Variants in GPN2 observed in about 807,000 individuals in gnomAD.
GPN2 encodes ATP-binding domain 1 family member B.
A neutral mutation model predicts 30.1 loss-of-function variants in GPN2; 27 were observed. The ratio of observed to expected loss-of-function variants is 0.90; its 90% CI spans 0.66 to 1.24. The LOEUF (loss-of-function observed/expected upper bound fraction) is 1.24. Ranked by LOEUF, GPN2 falls within the 50% of genes most tolerant of loss-of-function variation. GPN2 has a pLI of 0.00. For synonymous variants in GPN2, 212 were observed against 174.4 expected, an observed-to-expected ratio of 1.22 and a Z score of -1.70; for missense variants, 406 against 405.4, an observed-to-expected ratio of 1.00 and a Z score of -0.01.
intron 2 of GPN2, 65 bp from the exon 3 acceptor site, chr1:26,886,198 C>G: frequency 1.7e-6 from 2 of 1,163,654 alleles, no homozygotes; most frequent in Non-Finnish European, 2.5e-6. Flanking sequence ...GACGAGGTTC[C>G]TTTTTCCTTT....
chr1:26,890,102 GC>G lies in GPN2; in HGVS notation c.-7del. Reference sequence around the variant, plus strand: ...GTCGGAGCGGCCCCTGCCATTGGCGGCCCGCGGCCCGGAGCAGGTCAACTCA... The same window carrying G: ...GTCGGAGCGGCCCCTGCCATTGGCGGCCGCGGCCCGGAGCAGGTCAACTCA... On this transcript the variant is annotated 5_prime_UTR_variant, in exon 1 of 5. Transcript: ENST00000374135. 6.6e-7 allele frequency: 1 copy of G among 1,514,304 alleles called. No homozygotes were observed. The highest frequency in any genetic ancestry group is 8.8e-7 in the Non-Finnish European group (1 of 1,138,498). 93.8% of individuals were successfully genotyped at this position (1,514,304 alleles called of 1,614,324 possible). A position where few individuals can be genotyped will look rare whatever the true frequency, so the allele number is the denominator to read the frequency against.
rs1208996661 is a variant in GPN2 at position 26,886,062 on chromosome 1, A to T, written c.640T>A (p.Phe214Ile). 1.2e-6 allele frequency: 2 copies of T among 1,613,404 alleles called. No individual in the cohort carries two copies. The highest frequency in any genetic ancestry group is 4.5e-5 in the East Asian group (2 of 44,868). The change falls in exon 3 of 5, where the codon TTC becomes ATC. Residue 214 changes from phenylalanine (F) to isoleucine (I), a missense_variant. Transcript: ENST00000374135. The part of the protein sequence containing the change: ...YLLDHLASDP[F>I]FRHYRQLNEK... ...TTGAGCTGGCGGTAGTGGCGGAAGAAAGGGTCAGAAGCCAGGTGGTCAAGC... is the reference window on the plus strand; with the variant it reads ...TTGAGCTGGCGGTAGTGGCGGAAGATAGGGTCAGAAGCCAGGTGGTCAAGC...
intron 3 of GPN2, among the ~76,000 whole-genome samples, chr1:26,885,037 A>G (rs1557655965): frequency 6.6e-6 from 1 of 152,364 alleles, no homozygotes. Context: ...ACATACAGTG[A>G]TAAGAACAGT....
chr1:26,884,015 G>A, intron 4 of GPN2, 145 bp downstream of exon 4: 1 of 615,056 alleles, frequency 1.6e-6, no homozygotes, highest in Non-Finnish European at 2.7e-6. Context: ...ACTCCAGCCT[G>A]GGCGACAGAG....
intron 3 of GPN2, 83 bp downstream of exon 3, chr1:26,885,890 T>C: frequency 8.8e-7 from 1 of 1,138,056 alleles, no homozygotes; most frequent in South Asian, 1.4e-5. Context: ...GCAAAGACCA[T>C]TCTTTAAGCC....
chr1:26,885,707 G>A (rs1269821610), intron 3 of GPN2, among the ~76,000 whole-genome samples: 1 of 151,746 alleles, frequency 6.6e-6, no homozygotes, highest in Non-Finnish European at 1.5e-5. Context: ...AGCCTCCTGA[G>A]TAGCTGGGAC....
At chr1:26,883,889 A>C (rs1188640746) in intron 4 of GPN2, among the ~76,000 whole-genome samples, 1 of 151,856 alleles carries the variant, frequency 6.6e-6, no homozygotes, top group Non-Finnish European at 1.5e-5. Flanking sequence ...AAATACAAAA[A>C]ATTAGCTGGG....
At chr1:26,881,358 A>G (rs994957234) in intron 4 of GPN2, among the ~76,000 whole-genome samples, 2 of 152,246 alleles carry the variant, frequency 1.3e-5, no homozygotes, top group Non-Finnish European at 2.9e-5. Flanking sequence ...ATTTTACAAT[A>G]AAGTATTGAA....
intron 1 of GPN2, 112 bp downstream of exon 1, chr1:26,889,574 A>T: frequency 9.9e-7 from 1 of 1,014,190 alleles, no homozygotes; most frequent in Non-Finnish European, 1.5e-6. Context: ...TGCCTGTTTT[A>T]CTCCAAAGCG....
Position 26,878,873 on chromosome 1 carries a change from G to C in GPN2, c.*804C>G, listed in dbSNP as rs1298759156. On this transcript the variant is annotated 3_prime_UTR_variant, in exon 5 of 5. Coordinates refer to ENST00000374135, the MANE Select transcript of GPN2 (RefSeq NM_018066.4). ...GGCCTCCCAAAGTGCTGGGATTACAGGCGTGAGCCACCGCACCCAGCCTTG... is the reference window on the plus strand; with the variant it reads ...GGCCTCCCAAAGTGCTGGGATTACACGCGTGAGCCACCGCACCCAGCCTTG... 6.6e-6 allele frequency: 1 copy of C among 152,294 alleles called. No individual in the cohort carries two copies. Among genetic ancestry groups the C allele is most frequent in the Non-Finnish European group, 1.5e-5 (1 of 68,096 alleles). The allele number at this position is 152,294 out of a possible 1,614,324, so 9.4% of individuals were successfully genotyped here.
At position 26,889,972 on chromosome 1, in the gene GPN2, A is replaced by G. The variant is rs1245873743; in HGVS notation, c.125T>C (p.Val42Ala). ...FLRALGRRVA[V>A]VNLDPANEGL... ...CTCGTTGGCCGGGTCCAGGTTCACC[A>G]CCGCCACGCGCCGGCCCAGCGCGCG... Residue 42 changes from valine (V) to alanine (A), a missense_variant, in exon 1 of 5, where the codon GTG becomes GCG. Transcript: ENST00000374135. The G allele has an allele frequency of 2.5e-6, 4 of 1,604,250 alleles. No individual in the cohort carries two copies. The highest frequency in any genetic ancestry group is 1.7e-5 in the Admixed American group (1 of 59,888).
At chr1:26,884,079 T>C (rs2081878154) in intron 4 of GPN2, 81 bp downstream of exon 4, 9 of 1,191,194 alleles carry the variant, frequency 7.6e-6, no homozygotes, top group African/African-American at 1.5e-5. Context: ...ATCCACAAGG[T>C]TGATGACTGC....
In GPN2 at chr1:26,889,869, C is replaced by A. The variant is rs1457678861; in HGVS notation, c.228G>T (p.Gly76=). ...LGDVMDALRL[G]PNGGLLYCME... ...TGCAGTAGAGCAGGCCGCCGTTGGG[C>A]CCCAGGCGCAGCGCGTCCATCACGT... Residue 76 remains glycine, a synonymous_variant, in exon 1 of 5, where the codon GGG becomes GGT. Coordinates refer to ENST00000374135, the MANE Select transcript of GPN2 (RefSeq NM_018066.4). The A allele has an allele frequency of 1.9e-6, 3 of 1,612,032 alleles. No individual in the cohort carries two copies. Among genetic ancestry groups the A allele is most frequent in the Non-Finnish European group, 2.5e-6 (3 of 1,178,946 alleles).
In GPN2 at chr1:26,878,922, T is replaced by C. The variant is rs2081851745; in HGVS notation, c.*755A>G. On this transcript the variant is annotated 3_prime_UTR_variant, in exon 5 of 5. Transcript: ENST00000374135. ...TGAAGTAAACTTTTAACCACTACTG[T>C]AAATGGAAAACTAGTTAACACTTGT... 1 of 152,202 alleles carries C rather than the reference T, an allele frequency of 6.6e-6. No individual in the cohort carries two copies. The highest frequency in any genetic ancestry group is 1.5e-5 in the Non-Finnish European group (1 of 68,048). 9.4% of individuals were successfully genotyped at this position (152,202 alleles called of 1,614,324 possible).
chr1:26,884,391 G>T, intron 3 of GPN2, 101 bp from the exon 4 acceptor site: 1 of 1,247,686 alleles, frequency 8.0e-7, no homozygotes, highest in Non-Finnish European at 1.1e-6. Context: ...CTCTGTACCT[G>T]TAGCTTTCTT....
In GPN2 at chr1:26,889,013, T is replaced by C. The variant is rs756104255; in HGVS notation, c.524A>G (p.Asn175Ser). The change falls in exon 2 of 5, where the codon AAC becomes AGC. Residue 175 changes from asparagine to serine, a missense_variant. Transcript: ENST00000374135. ...AATGAGGTCCATCTTGGAAAGGAGG[T>C]TGATGTGGGGCAGTTCCACGTGCAG... ...TMLHVELPHI[N>S]LLSKMDLIEH... The C allele has an allele frequency of 5.0e-6, 8 of 1,613,940 alleles. No individual in the cohort carries two copies. Among genetic ancestry groups the C allele is most frequent in the Non-Finnish European group, 6.8e-6 (8 of 1,180,008 alleles).
intron 2 of GPN2, among the ~76,000 whole-genome samples, chr1:26,887,584 CAG>C (rs1183597052): frequency 6.7e-6 from 1 of 150,038 alleles, no homozygotes; most frequent in Non-Finnish European, 1.5e-5. Flanking sequence ...TTTTTTGAGA[CAG>C]AGTCTTGCTC....
Position 26,890,082 on chromosome 1 carries a change from A to G in GPN2, c.15T>C (p.Ala5=), listed in dbSNP as rs1203709047. 3.9e-6 allele frequency: 6 copies of G among 1,542,546 alleles called. No homozygotes were observed. The highest frequency in any genetic ancestry group is 5.2e-6 in the Non-Finnish European group (6 of 1,150,284). ...CCGCCTGCCCGAAGGCCGTGGTCGG[A>G]GCGGCCCCTGCCATTGGCGGCCCGC... MAGA[A]PTTAFGQAVI... is the part of the protein sequence containing the mutation. Residue 5 remains alanine, a synonymous_variant, in exon 1 of 5, where the codon GCT becomes GCC. Transcript: ENST00000374135.
rs777059414 is a variant in GPN2, at chr1:26,884,113, C to A, written c.860+47G>T. 2.6e-6 allele frequency: 4 copies of A among 1,563,002 alleles called. No homozygotes were observed. In the Admixed American group the frequency reaches 7.2e-5, roughly 28 times the overall value. On this transcript the variant is annotated intron_variant, in intron 4 of 4. Transcript: ENST00000374135. The stretch of plus-strand genomic sequence containing the variant: ...GCACCTCCTGTGGCCATTCTTGAGT[C>A]CCATGTCTCACCCTCTCTGCTATGG...
Sources: allele counts gnomAD v4.1 joint callset (sites outside exome capture counted in the v4.1 genomes callset), GRCh38; gene constraint gnomAD v4.1.1; transcripts MANE v1.5; gene names NCBI Gene and HGNC (gene_info 2026-07-23, HGNC 2026-07-21).